The following DLC1 variants were observed in gnomAD, a reference collection of about 807,000 sequenced individuals.
DLC1 encodes the protein rho GTPase-activating protein 7.
In DLC1, 54 loss-of-function variants were observed where a neutral mutation model predicts 140.3. The ratio of observed to expected loss-of-function variants is 0.38; its 90% CI spans 0.31 to 0.48. The LOEUF is 0.48. DLC1 is among the 20% of genes least tolerant of loss of function. The pLI is 0.96. For synonymous variants in DLC1, 986 were observed against 728.1 expected (o/e 1.35, Z -5.70); for missense variants, 2,536 against 1,907.0 (o/e 1.33, Z -6.14).
intron 4 of DLC1, among the ~76,000 whole-genome samples, chr8:13,329,963 T>C (rs778719604): frequency 2.0e-5 from 3 of 152,152 alleles, no homozygotes; most frequent in Non-Finnish European, 2.9e-5. Context: ...GTTTATTTTT[T>C]ATTTTTATTT....
At chr8:13,316,901 C>A (rs1832881874) in intron 4 of DLC1, among the ~76,000 whole-genome samples, 1 of 152,048 alleles carries the variant, frequency 6.6e-6, no homozygotes, top group South Asian at 2.1e-4. Flanking sequence ...TTAAGGGTTT[C>A]TTGTATTTTC....
At chr8:13,199,588 A>G (rs1268564369) in intron 5 of DLC1, among the ~76,000 whole-genome samples, 1 of 152,132 alleles carries the variant, frequency 6.6e-6, no homozygotes, top group East Asian at 1.9e-4. Flanking sequence ...TATTTTTAAT[A>G]TACTTCAACT....
chr8:13,397,573 C>T (rs13252723), intron 3 of DLC1, among the ~76,000 whole-genome samples: 147 of 151,798 alleles, frequency 9.7e-4, no homozygotes, highest in African/African-American at 3.5e-3. Flanking sequence ...TCATGCCTGT[C>T]ATCTCAATAC....
chr8:13,471,575 G>A (rs913144079), intron 2 of DLC1, among the ~76,000 whole-genome samples: 6 of 151,652 alleles, frequency 4.0e-5, no homozygotes, highest in African/African-American at 2.4e-5. Context: ...GAAAAATAGC[G>A]AATGGGTACA....
intron 4 of DLC1, among the ~76,000 whole-genome samples, chr8:13,348,392 T>C (rs1834469420): frequency 6.6e-6 from 1 of 152,202 alleles, no homozygotes; most frequent in Non-Finnish European, 1.5e-5. Flanking sequence ...GTAAATATTA[T>C]TCTTTAGAGG....
chr8:13,404,537 A>G, intron 2 of DLC1, among the ~76,000 whole-genome samples: 1 of 152,340 alleles, frequency 6.6e-6, no homozygotes, highest in Middle Eastern at 3.4e-3. Context: ...TCAACATAAT[A>G]ACATACTAAA....
At chr8:13,423,713 G>C (rs1348098544) in intron 2 of DLC1, among the ~76,000 whole-genome samples, 2 of 152,086 alleles carry the variant, frequency 1.3e-5, no homozygotes, top group African/African-American at 2.4e-5. Flanking sequence ...TTCAACCACA[G>C]ATGTTTACTG....
intron 4 of DLC1, among the ~76,000 whole-genome samples, chr8:13,393,271 T>C (rs1390487605): frequency 6.8e-6 from 1 of 147,214 alleles, no homozygotes; most frequent in Non-Finnish European, 1.5e-5. Flanking sequence ...AGATTTTGCA[T>C]TCTTGGCTCT....
intron 1 of DLC1, among the ~76,000 whole-genome samples, chr8:13,530,472 G>A (rs1414327483): frequency 6.6e-6 from 1 of 152,136 alleles, no homozygotes; most frequent in Non-Finnish European, 1.5e-5. Context: ...ATTCTCTGAA[G>A]ACATATCTGT....
In DLC1 at chr8:13,441,388, G is replaced by T. The variant is rs187772394; in HGVS notation, c.1024-39769C>A. On this transcript the variant is annotated intron_variant, in intron 2 of 17. Transcript: ENST00000276297. ...ATCAGGCAGGAGAAGGAAATAAAGG[G>T]TATTCAATTAGGAAAAGAGGAAGTC... Among the ~76,000 whole-genome samples the T allele has an allele frequency of 6.1e-4, 93 of 152,266 alleles. No homozygotes were observed. In the East Asian group the frequency reaches 0.015, roughly 25 times the overall value.
intron 1 of DLC1, among the ~76,000 whole-genome samples, chr8:13,561,434 C>T (rs934796839): frequency 6.6e-6 from 1 of 152,150 alleles, no homozygotes; most frequent in Admixed American, 6.5e-5. Flanking sequence ...CTGCTTCATC[C>T]TCCTAAAGCA....
At chr8:13,353,852 C>G (rs182478798) in intron 4 of DLC1, among the ~76,000 whole-genome samples, 1 of 148,368 alleles carries the variant, frequency 6.7e-6, no homozygotes, top group Non-Finnish European at 1.5e-5. Context: ...AGTGAGACTT[C>G]GTCTGGAAAA....
At chr8:13,110,084 A>G (rs927901791) in intron 7 of DLC1, among the ~76,000 whole-genome samples, 1 of 152,186 alleles carries the variant, frequency 6.6e-6, no homozygotes. Flanking sequence ...ATGAGTAGAC[A>G]TGTCTTGAAG....
intron 5 of DLC1, 39 bp downstream of exon 5, chr8:13,305,230 A>T (rs1369358564): frequency 6.2e-7 from 1 of 1,607,172 alleles, no homozygotes; most frequent in East Asian, 2.2e-5. Flanking sequence ...TTATTCTAAA[A>T]TAGATTGGCG....
chr8:13,098,784 T>C (rs1818728143), intron 9 of DLC1, among the ~76,000 whole-genome samples: 1 of 152,148 alleles, frequency 6.6e-6, no homozygotes, highest in Admixed American at 6.5e-5. Flanking sequence ...TCTGACTCAT[T>C]TTTTAATTTT....
chr8:13,203,461 C>T (rs1168298242), intron 5 of DLC1, among the ~76,000 whole-genome samples: 1 of 152,076 alleles, frequency 6.6e-6, no homozygotes. Flanking sequence ...GTATTTCTAA[C>T]CCTGGAAAGT....
At chr8:13,512,207 C>T (rs963630040) in intron 1 of DLC1, among the ~76,000 whole-genome samples, 9 of 151,696 alleles carry the variant, frequency 5.9e-5, no homozygotes, top group Non-Finnish European at 1.0e-4. Context: ...GTAGTAATAA[C>T]ATCAGGAAAC....
At chr8:13,114,690 C>T (rs1482096493) in intron 6 of DLC1, among the ~76,000 whole-genome samples, 1 of 152,072 alleles carries the variant, frequency 6.6e-6, no homozygotes, top group African/African-American at 2.4e-5. Context: ...ATAAAAAGAG[C>T]CCTTATAAAT....
intron 8 of DLC1, 138 bp downstream of exon 8, chr8:13,102,652 G>A (rs1229725784): frequency 4.0e-6 from 3 of 755,176 alleles, no homozygotes; most frequent in African/African-American, 3.5e-5. Flanking sequence ...TCAAGTCTAG[G>A]CGATATCATT....
Sources: allele counts gnomAD v4.1 joint callset (sites outside exome capture counted in the v4.1 genomes callset), GRCh38; gene constraint gnomAD v4.1.1; transcripts MANE v1.5; gene names NCBI Gene and HGNC (gene_info 2026-07-23, HGNC 2026-07-21).